The following ANKFY1 variants were observed in gnomAD, a reference collection of about 807,000 sequenced individuals.
ANKFY1 encodes ankyrin repeat and FYVE domain containing 1, also known as ankyrin repeat and FYVE domain-containing protein 1.
A neutral mutation model predicts 128.3 loss-of-function variants in ANKFY1; 47 were observed. That is an observed-to-expected ratio of 0.37 (90% CI 0.29 to 0.47). The LOEUF is 0.47. Ranked by LOEUF, ANKFY1 falls within the 20% of genes least tolerant of loss-of-function variation. The pLI is 1.00. For missense variants in ANKFY1, 1,222 were observed against 1,510.6 expected (o/e 0.81, Z 3.17); for synonymous variants, 553 against 601.6 (o/e 0.92, Z 1.18).
Position 4,245,044 on chromosome 17 carries a change from C to T in ANKFY1, c.11-2596G>A, listed in dbSNP as rs560148598. 9.9e-5 allele frequency among the ~76,000 whole-genome samples: 15 copies of T among 152,258 alleles called. No homozygotes were observed. In the East Asian group the frequency reaches 1.9e-3, roughly 20 times the overall value. ...CTCTAGTTGCCAAGTCCAATGGACT[C>T]CTGCCAGTGGTTCTCCTCCTAGACC... is the stretch of plus-strand genomic sequence containing the variant. On this transcript the variant is annotated intron_variant, in intron 1 of 24. Transcript: ENST00000341657.
rs1223108383 is a variant in ANKFY1, at chr17:4,167,957, ACT to A, written c.3378-48_3378-47del. The A allele has an allele frequency of 1.3e-6, 2 of 1,584,186 alleles. No individual in the cohort carries two copies. The highest frequency in any genetic ancestry group is 1.4e-5 in the African/African-American group (1 of 74,026). On this transcript the variant is annotated intron_variant, in intron 24 of 24. Coordinates refer to ENST00000341657, the MANE Select transcript of ANKFY1 (RefSeq NM_001330063.2). This position sits in a 1 kb window ranked among gnomAD's most constrained non-coding sequence, Gnocchi z 4.1. ...AGTATGAGAGGAGCGCCAACGACAG[ACT>A]CTGCTTCCTGGCACGTGAGGACAAC...
chr17:4,256,191 G>A (rs907081859), intron 1 of ANKFY1, among the ~76,000 whole-genome samples: 5 of 152,092 alleles, frequency 3.3e-5, no homozygotes, highest in Admixed American at 6.5e-5. Flanking sequence ...CACTTTGGGA[G>A]GCCAAGGCGG....
rs1478764968 is a variant in ANKFY1 at position 4,236,809 on chromosome 17, A to G, written c.204-919T>C. Reference sequence around the variant, plus strand: ...ACTATATGGAAAAAAAGAAAAAGAAAAAAAAATACCATTACATGAATTAAC... The same window carrying G: ...ACTATATGGAAAAAAAGAAAAAGAAGAAAAAATACCATTACATGAATTAAC... On this transcript the variant is annotated intron_variant, in intron 2 of 24. Transcript: ENST00000341657. Among the ~76,000 whole-genome samples, 3 of 152,176 alleles carry G rather than the reference A, an allele frequency of 2.0e-5. No individual in the cohort carries two copies. In the East Asian group the frequency reaches 5.8e-4, roughly 29 times the overall value.
chr17:4,252,027 C>T (rs1967860435), intron 1 of ANKFY1, among the ~76,000 whole-genome samples: 1 of 146,210 alleles, frequency 6.8e-6, no homozygotes, highest in South Asian at 2.2e-4. Flanking sequence ...GAACGAGACT[C>T]CGTCTTAAAA....
At chr17:4,194,899 T>A (rs1033138373) in intron 10 of ANKFY1, 79 bp downstream of exon 10, 2 of 1,370,366 alleles carry the variant, frequency 1.5e-6, no homozygotes, top group Non-Finnish European at 1.0e-6. Context: ...GTTTCTAAAT[T>A]TGGGGTGAAG....
intron 7 of ANKFY1, among the ~76,000 whole-genome samples, chr17:4,202,696 CAAAAAAAAA>C (rs60561665): frequency 0.013 from 962 of 74,758 alleles, 20 homozygotes; most frequent in African/African-American, 0.059. Context: ...AACTCCGTCT[CAAAAAAAAA>C]AAAAAAAAAA....
chr17:4,213,795 G>A (rs1343343005), intron 4 of ANKFY1, among the ~76,000 whole-genome samples: 6 of 151,912 alleles, frequency 3.9e-5, no homozygotes, highest in Non-Finnish European at 5.9e-5. Context: ...GGATGGTCTC[G>A]ATCTCCTGAC....
intron 1 of ANKFY1, among the ~76,000 whole-genome samples, chr17:4,250,152 G>C (rs80155356): frequency 6.6e-6 from 1 of 152,074 alleles, no homozygotes; most frequent in Non-Finnish European, 1.5e-5. Context: ...ACCTACATCT[G>C]AACTTTTTCT....
intron 1 of ANKFY1, among the ~76,000 whole-genome samples, chr17:4,254,515 T>C (rs1968014202): frequency 6.6e-6 from 1 of 152,080 alleles, no homozygotes; most frequent in Non-Finnish European, 1.5e-5. Flanking sequence ...CCAGAGGGAA[T>C]AGGGCCCTAC....
chr17:4,260,618 CAAAAAA>C (rs60030304), intron 1 of ANKFY1, among the ~76,000 whole-genome samples: 3 of 65,106 alleles, frequency 4.6e-5, no homozygotes, highest in Admixed American at 2.3e-4. Flanking sequence ...ATCCTGTCTC[CAAAAAA>C]AAAAAAAAAA....
chr17:4,196,785 C>T (rs1484265886), intron 8 of ANKFY1, among the ~76,000 whole-genome samples: 1 of 152,232 alleles, frequency 6.6e-6, no homozygotes, highest in Non-Finnish European at 1.5e-5. Context: ...CTTGGAGGCA[C>T]TGGACTAGAT....
intron 1 of ANKFY1, among the ~76,000 whole-genome samples, chr17:4,261,097 G>A (rs532281505): frequency 6.6e-6 from 1 of 152,162 alleles, no homozygotes; most frequent in African/African-American, 2.4e-5. Context: ...AGATTAATAA[G>A]CTAAATGACC....
chr17:4,189,479 C>G lies in ANKFY1; in HGVS notation c.1373G>C (p.Gly458Ala). 6.3e-7 allele frequency: 1 copy of G among 1,576,652 alleles called. No individual in the cohort carries two copies. The highest frequency in any genetic ancestry group is 8.6e-7 in the Non-Finnish European group (1 of 1,157,854). Residue 458 changes from glycine (G) to alanine (A), a missense_variant and splice_region_variant, in exon 11 of 25, where the codon GGA becomes GCA. Gly to Ala is a moderately conservative substitution (Grantham distance 60). Transcript: ENST00000341657. ...SHTDAPDTAT[G>A]NCLLQRAAGA... ...AGCTGCCCGCTGTAGTAAACAGTTTCCTAAAAGAAAATGGGCATTGCTGAT... is the reference window on the plus strand; with the variant it reads ...AGCTGCCCGCTGTAGTAAACAGTTTGCTAAAAGAAAATGGGCATTGCTGAT...
intron 3 of ANKFY1, among the ~76,000 whole-genome samples, chr17:4,233,390 C>T (rs2060547578): frequency 1.3e-5 from 2 of 151,996 alleles, no homozygotes; most frequent in South Asian, 4.2e-4. Flanking sequence ...AGCTATCCCT[C>T]GAGATTTCGA....
chr17:4,203,161 A>G (rs1250642104), intron 7 of ANKFY1, among the ~76,000 whole-genome samples: 1 of 152,214 alleles, frequency 6.6e-6, no homozygotes, highest in African/African-American at 2.4e-5. Context: ...ATCACCGTTT[A>G]TAAGGTTTCT....
At chr17:4,171,369 G>C (rs1187227524) in intron 22 of ANKFY1, among the ~76,000 whole-genome samples, 2 of 152,204 alleles carry the variant, frequency 1.3e-5, no homozygotes, top group Non-Finnish European at 2.9e-5. Context: ...GGGAACCCAT[G>C]CTCTGGCCAG....
chr17:4,197,613 C>CCT (rs764298992), intron 7 of ANKFY1, 36 bp from the exon 8 acceptor site: 8 of 1,592,832 alleles, frequency 5.0e-6, no homozygotes, highest in Non-Finnish European at 6.0e-6. Flanking sequence ...AGTGTCAGGG[C>CCT]AAAGTATTCT....
chr17:4,191,208 G>A (rs1383145679), intron 10 of ANKFY1: 2 of 152,292 alleles, frequency 1.3e-5, no homozygotes, highest in East Asian at 3.8e-4. Flanking sequence ...TTATCCCTCA[G>A]AGACAGGAAT....
intron 5 of ANKFY1, 58 bp from the exon 6 acceptor site, chr17:4,208,140 C>A: frequency 6.6e-7 from 1 of 1,516,198 alleles, no homozygotes. Context: ...AATCCAACCA[C>A]CATTTAGCAA....
Sources: allele counts gnomAD v4.1 joint callset (sites outside exome capture counted in the v4.1 genomes callset), GRCh38; gene constraint gnomAD v4.1.1; non-coding constraint Gnocchi (gnomAD v3.1); transcripts MANE v1.5; gene names NCBI Gene and HGNC (gene_info 2026-07-23, HGNC 2026-07-21).